USP32: variants seen among roughly 807,000 people sequenced by gnomAD.
USP32 encodes ubiquitin carboxyl-terminal hydrolase 32.
A neutral mutation model predicts 204.8 loss-of-function variants in USP32; 59 were observed. The ratio of observed to expected loss-of-function variants is 0.29; its 90% CI spans 0.23 to 0.36. The LOEUF (loss-of-function observed/expected upper bound fraction) is 0.36, where lower values mean the gene tolerates loss of function less well. Ranked by LOEUF, USP32 falls within the 10% of genes least tolerant of loss-of-function variation. The probability of loss-of-function intolerance (pLI) is 1.00; values close to 1 mark genes in which losing one functional copy is unlikely to be tolerated. For synonymous variants in USP32, 517 were observed against 678.4 expected, an observed-to-expected ratio of 0.76 and a Z score of 3.70; for missense variants, 1,160 against 1,946.4, an observed-to-expected ratio of 0.60 and a Z score of 7.60.
chr17:60,376,591 T>C (rs1382584813), intron 1 of USP32, among the ~76,000 whole-genome samples: 1 of 152,014 alleles, frequency 6.6e-6, no homozygotes, highest in Admixed American at 6.6e-5. Context: ...TGAGGCAATC[T>C]TGGCTCATTG....
intron 15 of USP32, among the ~76,000 whole-genome samples, chr17:60,221,586 A>T (rs1042767872): frequency 2.6e-5 from 4 of 151,162 alleles, no homozygotes; most frequent in East Asian, 2.0e-4. Context: ...GGCTCACTGC[A>T]ACCTCTGCCT....
intron 2 of USP32, among the ~76,000 whole-genome samples, chr17:60,334,062 T>C (rs1050476575): frequency 2.6e-5 from 4 of 152,184 alleles, no homozygotes; most frequent in Non-Finnish European, 5.9e-5. Flanking sequence ...TACTGTAATA[T>C]GCCATTTACT....
At chr17:60,184,160 A>T (rs1400479932) in intron 30 of USP32, among the ~76,000 whole-genome samples, 11 of 151,714 alleles carry the variant, frequency 7.3e-5, no homozygotes, top group Non-Finnish European at 7.4e-5. Context: ...AAAAACACAC[A>T]AAAAATTAGC....
At chr17:60,324,558 C>G (rs1324449358) in intron 2 of USP32, among the ~76,000 whole-genome samples, 1 of 151,934 alleles carries the variant, frequency 6.6e-6, no homozygotes, top group Non-Finnish European at 1.5e-5. Context: ...GGTTAAAAGT[C>G]ACCCTCATTT....
chr17:60,222,824 G>A (rs2085288923), intron 14 of USP32, among the ~76,000 whole-genome samples: 1 of 151,706 alleles, frequency 6.6e-6, no homozygotes, highest in African/African-American at 2.4e-5. Flanking sequence ...TGGGATTACA[G>A]GCACACGTCA....
chr17:60,340,653 C>T (rs1427092710), intron 2 of USP32, among the ~76,000 whole-genome samples: 1 of 152,156 alleles, frequency 6.6e-6, no homozygotes, highest in East Asian at 1.9e-4. Context: ...TTAATTGGGG[C>T]ATTTAGCCCA....
chr17:60,361,555 T>G (rs931306831), intron 1 of USP32, among the ~76,000 whole-genome samples: 5 of 152,212 alleles, frequency 3.3e-5, no homozygotes, highest in Non-Finnish European at 1.5e-5. Flanking sequence ...CCCAGTTTTT[T>G]GGTCATTGCC....
intron 6 of USP32, 49 bp from the exon 7 acceptor site, chr17:60,269,606 TTAA>T: frequency 6.9e-7 from 1 of 1,453,642 alleles, no homozygotes; most frequent in Non-Finnish European, 9.4e-7. Flanking sequence ...CTTCCTAATG[TTAA>T]TAATGACATG....
chr17:60,248,709 A>G (rs985467903), intron 11 of USP32, among the ~76,000 whole-genome samples: 27 of 152,158 alleles, frequency 1.8e-4, no homozygotes, highest in African/African-American at 6.3e-4. Flanking sequence ...GAGATCATAC[A>G]TTCCTCTAAT....
chr17:60,375,050 T>C (rs1301601540), intron 1 of USP32, among the ~76,000 whole-genome samples: 2 of 152,232 alleles, frequency 1.3e-5, no homozygotes, highest in Non-Finnish European at 2.9e-5. Flanking sequence ...TAGTGAAATT[T>C]TCTCCCTTTA....
chr17:60,338,886 A>C (rs547827948), intron 2 of USP32, among the ~76,000 whole-genome samples: 3 of 152,190 alleles, frequency 2.0e-5, no homozygotes, highest in Non-Finnish European at 4.4e-5. Flanking sequence ...CAAGATTAGA[A>C]GTACATAAAA....
At position 60,180,581 on chromosome 17, in the gene USP32, G is replaced by A; in HGVS notation, c.4605C>T (p.Asn1535=). ...GHYVTYAKNP[N]CKWYCYNDSS... is the part of the protein sequence containing the mutation. ...TGTCATTGTAACAGTACCACTTGCA[G>A]TTTGGGTTTTTGGCATAAGTGACGT... The change falls in exon 33 of 34, where the codon AAC becomes AAT. Residue 1535 remains asparagine, a synonymous_variant. Coordinates refer to ENST00000300896, the MANE Select transcript of USP32 (RefSeq NM_032582.4). 1 of 1,613,786 alleles carries A rather than the reference G, an allele frequency of 6.2e-7. No homozygotes were observed. Among genetic ancestry groups the A allele is most frequent in the Admixed American group, 1.7e-5 (1 of 60,012 alleles).
chr17:60,215,759 A>G (rs1257663601), intron 16 of USP32, among the ~76,000 whole-genome samples: 1 of 152,150 alleles, frequency 6.6e-6, no homozygotes, highest in Non-Finnish European at 1.5e-5. Context: ...AGAGTTTTTT[A>G]TTATCATTAT....
At chr17:60,388,974 A>G (rs763553678) in intron 1 of USP32, among the ~76,000 whole-genome samples, 7 of 152,158 alleles carry the variant, frequency 4.6e-5, no homozygotes, top group African/African-American at 7.2e-5. Flanking sequence ...TGTATGTGGT[A>G]ATATATGCCT....
intron 1 of USP32, among the ~76,000 whole-genome samples, chr17:60,420,069 GTTTAT>G (rs200207670): frequency 0.16 from 23,699 of 148,392 alleles, 4,210 homozygotes; most frequent in African/African-American, 0.44. Context: ...TATTTATTTT[GTTTAT>G]TTTATTTTAT....
At chr17:60,219,294 C>T (rs963717303) in intron 16 of USP32, among the ~76,000 whole-genome samples, 3 of 152,092 alleles carry the variant, frequency 2.0e-5, no homozygotes, top group African/African-American at 7.2e-5. Context: ...GACTGGTATA[C>T]TACTACTTAG....
At chr17:60,210,666 G>A (rs2084938339) in intron 21 of USP32, among the ~76,000 whole-genome samples, 1 of 152,184 alleles carries the variant, frequency 6.6e-6, no homozygotes. Context: ...GATTGGATTG[G>A]ATGTAATTAA....
chr17:60,271,045 C>T (rs896287359), intron 6 of USP32, among the ~76,000 whole-genome samples: 1 of 152,100 alleles, frequency 6.6e-6, no homozygotes, highest in Non-Finnish European at 1.5e-5. Context: ...CCACATGACT[C>T]CAGGCACTAG....
intron 29 of USP32, among the ~76,000 whole-genome samples, chr17:60,187,827 T>A (rs1287660842): frequency 6.6e-6 from 1 of 152,224 alleles, no homozygotes; most frequent in Non-Finnish European, 1.5e-5. Context: ...AAATAATCTA[T>A]AAATTACTTA....
Sources: allele counts gnomAD v4.1 joint callset (sites outside exome capture counted in the v4.1 genomes callset), GRCh38; gene constraint gnomAD v4.1.1; transcripts MANE v1.5; gene names NCBI Gene and HGNC (gene_info 2026-07-23, HGNC 2026-07-21).